GAB2: variants seen among roughly 807,000 people sequenced by gnomAD.
GAB2 encodes GRB2-associated-binding protein 2.
GAB2 carries 26 observed loss-of-function variants against 65.5 expected under a neutral mutation model. The observed-to-expected ratio is 0.40, with a 90% CI of 0.29 to 0.55. GAB2 has a LOEUF of 0.55. Among genes scored for constraint, GAB2 ranks in the 20% least tolerant of loss-of-function variants. GAB2 has a pLI of 0.53. For synonymous variants in GAB2, 321 were observed against 329.6 expected (o/e 0.97, Z 0.28); for missense variants, 884 against 875.8 (o/e 1.01, Z -0.12).
intron 1 of GAB2, among the ~76,000 whole-genome samples, chr11:78,394,596 G>A (rs533032868): frequency 2.0e-5 from 3 of 152,328 alleles, no homozygotes; most frequent in South Asian, 4.1e-4. Context: ...TCAGGCAGTC[G>A]ACTTACAGAT....
rs529396082 is a variant in GAB2 at position 78,223,498 on chromosome 11, G to A, written c.1481C>T (p.Thr494Ile). Reference protein sequence around the residue: ...HHFDSLGYPSTTLPVHRGPSR... With the variant: ...HHFDSLGYPSITLPVHRGPSR... ...GGGGCCTCGGTGCACAGGAAGGGTT[G>A]TTGATGGGTAGCCAAGTGAGTCAAA... is the stretch of plus-strand genomic sequence containing the variant. Residue 494 changes from threonine (T) to isoleucine (I), a missense_variant, in exon 6 of 10, where the codon ACA becomes ATA. Transcript: ENST00000361507. 2 of 1,611,230 alleles carry A rather than the reference G, an allele frequency of 1.2e-6. No homozygotes were observed. Among genetic ancestry groups the A allele is most frequent in the Admixed American group, 3.4e-5 (2 of 59,556 alleles).
At chr11:78,337,715 T>C (rs895185919) in intron 1 of GAB2, among the ~76,000 whole-genome samples, 11 of 152,234 alleles carry the variant, frequency 7.2e-5, no homozygotes, top group African/African-American at 2.7e-4. Context: ...GAATCACAAA[T>C]GAGTTCCTCT....
At chr11:78,285,755 C>T (rs187893987) in intron 1 of GAB2, among the ~76,000 whole-genome samples, 34 of 152,314 alleles carry the variant, frequency 2.2e-4, no homozygotes, top group African/African-American at 5.5e-4. Context: ...GCGTGAGCCA[C>T]GGCATGGGGC....
intron 3 of GAB2, among the ~76,000 whole-genome samples, chr11:78,248,729 AAGGTTAATT>A (rs1278697012): frequency 6.6e-6 from 1 of 152,224 alleles, no homozygotes; most frequent in Admixed American, 6.5e-5. Context: ...AAGAATATTG[AAGGTTAATT>A]AGGTTAAATA....
chr11:78,386,111 T>C (rs1187448795), intron 1 of GAB2, among the ~76,000 whole-genome samples: 1 of 152,218 alleles, frequency 6.6e-6, no homozygotes, highest in Non-Finnish European at 1.5e-5. Context: ...TAAGAGTACC[T>C]GGGCCCTCTC....
intron 1 of GAB2, among the ~76,000 whole-genome samples, chr11:78,329,069 A>G (rs1474352820): frequency 1.3e-5 from 2 of 152,240 alleles, no homozygotes; most frequent in African/African-American, 4.8e-5. Flanking sequence ...AAAGGAATGG[A>G]TAGACAAATA....
At chr11:78,242,867 T>C (rs1403272895) in intron 3 of GAB2, among the ~76,000 whole-genome samples, 1 of 151,840 alleles carries the variant, frequency 6.6e-6, no homozygotes, top group Non-Finnish European at 1.5e-5. Flanking sequence ...AAGATCCAAA[T>C]AAATACAAAA....
At chr11:78,417,017 G>C (rs1374319249) in intron 1 of GAB2, among the ~76,000 whole-genome samples, 1 of 139,968 alleles carries the variant, frequency 7.1e-6, no homozygotes, top group African/African-American at 2.8e-5. Flanking sequence ...TGTCACACCG[G>C]GGTCGGGGGG....
At position 78,315,469 on chromosome 11, in the gene GAB2, C is replaced by G. The variant is rs116521790; in HGVS notation, c.76-34568G>C. Among the ~76,000 whole-genome samples the G allele has an allele frequency of 4.4e-3, 664 of 152,014 alleles. 5 individuals carry two copies. Among genetic ancestry groups the G allele is most frequent in the African/African-American group, 0.015 (612 of 41,438 alleles). On this transcript the variant is annotated intron_variant, in intron 1 of 9. Coordinates refer to ENST00000361507, the MANE Select transcript of GAB2 (RefSeq NM_080491.3). ...AATGGTGCTGGGAAAACTGGATATC[C>G]ACATGTAAAAAAACAGCTGGACCCT... is the stretch of plus-strand genomic sequence containing the variant.
chr11:78,267,019 C>T (rs1171545455), intron 2 of GAB2, among the ~76,000 whole-genome samples: 2 of 152,174 alleles, frequency 1.3e-5, no homozygotes, highest in African/African-American at 4.8e-5. Flanking sequence ...CCACATGCAA[C>T]CCAGAAGCCT....
At chr11:78,331,824 C>T (rs1173739311) in intron 1 of GAB2, among the ~76,000 whole-genome samples, 1 of 152,248 alleles carries the variant, frequency 6.6e-6, no homozygotes, top group East Asian at 1.9e-4. Flanking sequence ...CCAGTGGCTG[C>T]CACCACAGCC....
intron 1 of GAB2, among the ~76,000 whole-genome samples, chr11:78,309,621 G>A (rs1430820651): frequency 6.6e-6 from 1 of 151,892 alleles, no homozygotes; most frequent in East Asian, 1.9e-4. Flanking sequence ...ACAGGCACAT[G>A]CCACCATGCC....
intron 1 of GAB2, among the ~76,000 whole-genome samples, chr11:78,357,341 T>G (rs1856373130): frequency 6.6e-6 from 1 of 152,112 alleles, no homozygotes; most frequent in South Asian, 2.1e-4. Context: ...AACTGACCTG[T>G]CTTGACCACT....
At chr11:78,350,609 T>A (rs1856260993) in intron 1 of GAB2, among the ~76,000 whole-genome samples, 1 of 152,198 alleles carries the variant, frequency 6.6e-6, no homozygotes, top group African/African-American at 2.4e-5. Context: ...AAAAAGTATA[T>A]ACAAGGATAA....
chr11:78,272,250 G>A (rs1336699535), intron 2 of GAB2, among the ~76,000 whole-genome samples: 1 of 152,216 alleles, frequency 6.6e-6, no homozygotes, highest in Non-Finnish European at 1.5e-5. Flanking sequence ...GTAACAGGCA[G>A]GGGTTGGAAC....
At chr11:78,371,088 C>A (rs1463300905) in intron 1 of GAB2, among the ~76,000 whole-genome samples, 1 of 152,192 alleles carries the variant, frequency 6.6e-6, no homozygotes, top group African/African-American at 2.4e-5. Context: ...GTGGCAAAAG[C>A]AGCAACATCT....
chr11:78,360,513 G>A (rs1469964152), intron 1 of GAB2, among the ~76,000 whole-genome samples: 1 of 151,980 alleles, frequency 6.6e-6, no homozygotes, highest in African/African-American at 2.4e-5. Flanking sequence ...CTGATAAAGA[G>A]CTCAAATCTC....
At chr11:78,260,394 A>G (rs545919271) in intron 2 of GAB2, among the ~76,000 whole-genome samples, 1 of 152,108 alleles carries the variant, frequency 6.6e-6, no homozygotes, top group Non-Finnish European at 1.5e-5. Flanking sequence ...TCCTTTTACA[A>G]CCTTCTTTGG....
chr11:78,344,361 C>G (rs1379766156), intron 1 of GAB2, among the ~76,000 whole-genome samples: 1 of 151,942 alleles, frequency 6.6e-6, no homozygotes, highest in Non-Finnish European at 1.5e-5. Flanking sequence ...AAAAAAATCT[C>G]CAATTAAGAT....
Sources: gnomAD v4.1 joint callset for allele counts (sites outside exome capture counted in the v4.1 genomes callset) on GRCh38, gnomAD v4.1.1 for gene constraint, MANE v1.5 for transcripts, NCBI Gene and HGNC (gene_info 2026-07-23, HGNC 2026-07-21) for gene names.